Variants in TXNDC11 observed in about 807,000 individuals in gnomAD.
The protein encoded by TXNDC11 is thioredoxin domain containing 11, also known as thioredoxin domain-containing protein 11.
TXNDC11 carries 68 observed loss-of-function variants against 78.0 expected under a neutral mutation model. That is an observed-to-expected ratio of 0.87 (90% CI 0.72 to 1.07). The LOEUF is 1.07. Among genes scored for constraint, TXNDC11 ranks in the 50% least tolerant of loss-of-function variants. The probability of loss-of-function intolerance (pLI) is 0.00; values close to 1 mark genes in which losing one functional copy is unlikely to be tolerated. For synonymous variants in TXNDC11, 571 were observed against 495.2 expected (o/e 1.15, Z -2.03); for missense variants, 1,389 against 1,221.8 (o/e 1.14, Z -2.04).
chr16:11,690,719 AT>A (rs760956648), intron 8 of TXNDC11: 379 of 143,216 alleles, frequency 2.6e-3, no homozygotes, highest in Middle Eastern at 0.011. Flanking sequence ...CGCCCGGCTA[AT>A]TTTTTTTTTT....
chr16:11,685,385 T>C (rs2868982), intron 10 of TXNDC11, among the ~76,000 whole-genome samples: 17,237 of 149,316 alleles, frequency 0.12, 1,288 homozygotes, highest in African/African-American at 0.2. Context: ...GTGGCTCACG[T>C]CTGTAATCCC....
chr16:11,701,128 C>CTTTTTTTT (rs397855467), intron 5 of TXNDC11, among the ~76,000 whole-genome samples: 2 of 101,646 alleles, frequency 2.0e-5, no homozygotes, highest in African/African-American at 4.2e-5. Context: ...CCAATGTCCT[C>CTTTTTTTT]TTTTTTTTTT....
At position 11,691,964 on chromosome 16, in the gene TXNDC11, G is replaced by A. The variant is rs765281874; in HGVS notation, c.1226C>T (p.Pro409Leu). 14 of 1,608,078 alleles carry A rather than the reference G, an allele frequency of 8.7e-6. No homozygotes were observed. In the East Asian group the frequency reaches 8.9e-5, roughly 10 times the overall value. ...PVLESLALEV[P>L]AQLPDPPTIT... ...CGTTGGCGGGTCTGGCAGCTGTGCC[G>A]GCACTTCCAGGGCCAGGGACTCCAG... Residue 409 changes from proline (P) to leucine (L), a missense_variant, in exon 8 of 12, where the codon CCG becomes CTG. By Grantham distance (98) the Pro-to-Leu change is moderately conservative. Transcript: ENST00000283033.
rs375992532 is a variant in TXNDC11 at position 11,691,982 on chromosome 16, G to C, written c.1208C>G (p.Ser403Cys). ...CTGTGCCGGCACTTCCAGGGCCAGG[G>C]ACTCCAGCACTGGAGCATCCACCCG... is the stretch of plus-strand genomic sequence containing the variant. ...LRRVDAPVLE[S>C]LALEVPAQLP... Residue 403 changes from serine (S) to cysteine (C), a missense_variant, in exon 8 of 12, where the codon TCC (serine) becomes TGC (cysteine). Ser to Cys is a moderately radical substitution (Grantham distance 112, BLOSUM62 -1). Coordinates refer to ENST00000283033, the MANE Select transcript of TXNDC11 (RefSeq NM_015914.7). 4.6e-5 allele frequency: 74 copies of C among 1,600,374 alleles called. No individual in the cohort carries two copies. Among genetic ancestry groups the C allele is most frequent in the Admixed American group, 3.5e-4 (21 of 59,430 alleles).
At chr16:11,730,602 G>A in intron 4 of TXNDC11, 43 bp downstream of exon 4, 1 of 1,599,744 alleles carries the variant, frequency 6.3e-7, no homozygotes, top group Non-Finnish European at 8.6e-7. Flanking sequence ...ACAACCCCGT[G>A]AAAGGCCTTG....
At chr16:11,694,258 C>A (rs2050800026) in intron 7 of TXNDC11, among the ~76,000 whole-genome samples, 1 of 151,908 alleles carries the variant, frequency 6.6e-6, no homozygotes, top group African/African-American at 2.4e-5. Flanking sequence ...TACAGGCATG[C>A]ATCACGACAC....
intron 1 of TXNDC11, among the ~76,000 whole-genome samples, chr16:11,741,149 TGA>T (rs758170268): frequency 3.3e-5 from 5 of 152,314 alleles, no homozygotes; most frequent in African/African-American, 7.2e-5. Flanking sequence ...AAATGCTCAC[TGA>T]GAGTTATTAT....
intron 5 of TXNDC11, among the ~76,000 whole-genome samples, chr16:11,712,990 T>C (rs919369756): frequency 6.0e-5 from 9 of 149,890 alleles, no homozygotes; most frequent in African/African-American, 2.2e-4. Flanking sequence ...TGCATGCCTG[T>C]AAATCCCAGC....
Position 11,687,842 on chromosome 16 carries a change from A to G in TXNDC11, c.2153+15T>C, listed in dbSNP as rs777287551. 1 of 1,575,126 alleles carries G rather than the reference A, an allele frequency of 6.3e-7. No individual in the cohort carries two copies. Among genetic ancestry groups the G allele is most frequent in the Non-Finnish European group, 8.7e-7 (1 of 1,145,422 alleles). ...GGGCATACAGCCCAAAGCGCTGCAG[A>G]AGAGGCCTGCTTACCTTGCCACAGT... is the stretch of plus-strand genomic sequence containing the variant. On this transcript the variant is annotated intron_variant, in intron 10 of 11. Transcript: ENST00000283033.
chr16:11,724,441 T>C (rs1455164078), intron 4 of TXNDC11, among the ~76,000 whole-genome samples: 3 of 152,182 alleles, frequency 2.0e-5, no homozygotes, highest in South Asian at 2.1e-4. Context: ...TCCTATTCCC[T>C]TTCCAATCAA....
At chr16:11,683,570 ACAG>A (rs1240013638) in intron 11 of TXNDC11, among the ~76,000 whole-genome samples, 1 of 127,012 alleles carries the variant, frequency 7.9e-6, no homozygotes, top group Non-Finnish European at 1.9e-5. Context: ...AGCCAGGGCA[ACAG>A]AAGAATCCTG....
intron 4 of TXNDC11, among the ~76,000 whole-genome samples, chr16:11,727,978 G>T (rs547412603): frequency 1.3e-5 from 2 of 152,172 alleles, no homozygotes; most frequent in East Asian, 3.9e-4. Flanking sequence ...TGGAGGCCAG[G>T]GATATTGCTA....
chr16:11,740,910 G>A lies in TXNDC11; in HGVS notation c.254+1567C>T, dbSNP rs980639027. Among the ~76,000 whole-genome samples, 69 of 152,156 alleles carry A rather than the reference G, an allele frequency of 4.5e-4. 1 individual carries two copies. Among genetic ancestry groups the A allele is most frequent in the Admixed American group, 4.5e-3 (69 of 15,270 alleles). On this transcript the variant is annotated intron_variant, in intron 1 of 11. Transcript: ENST00000283033. ...TGAATAAATGCTTCATGGAAACAGT[G>A]GTTCCCAAGCAGGCAATTTTGCTCC... is the stretch of plus-strand genomic sequence containing the variant.
Position 11,679,525 on chromosome 16 carries a change from G to A in TXNDC11, c.2547C>T (p.His849=), listed in dbSNP as rs1442300776. 2 of 1,613,350 alleles carry A rather than the reference G, an allele frequency of 1.2e-6. No individual in the cohort carries two copies. The highest frequency in any genetic ancestry group is 1.7e-5 in the Admixed American group (1 of 60,034). Residue 849 remains histidine, a synonymous_variant, in exon 12 of 12, where the codon CAC becomes CAT. Coordinates refer to ENST00000283033, the MANE Select transcript of TXNDC11 (RefSeq NM_015914.7). This position sits in a 1 kb window ranked among gnomAD's most constrained non-coding sequence, Gnocchi z 4.6. ...RQQQRALEEQ[H]SLLHAHSEQL... ...GCTCACTGTGTGCGTGGAGCAGGCT[G>A]TGCTGCTCTTCCAGGGCCCGCTGCT...
intron 10 of TXNDC11, among the ~76,000 whole-genome samples, chr16:11,684,836 C>T (rs1228638584): frequency 4.6e-5 from 7 of 152,352 alleles, no homozygotes; most frequent in East Asian, 1.9e-4. Context: ...CACAGCTGGG[C>T]GCCCACACTC....
chr16:11,703,614 G>T, intron 5 of TXNDC11: 1 of 692,966 alleles, frequency 1.4e-6, no homozygotes, highest in Non-Finnish European at 2.6e-6. Flanking sequence ...ACACTTCCTA[G>T]TTCTATCTAC....
chr16:11,735,897 C>A, intron 2 of TXNDC11, 120 bp downstream of exon 2: 1 of 861,934 alleles, frequency 1.2e-6, no homozygotes, highest in Non-Finnish European at 1.9e-6. Flanking sequence ...AACTTAGAAA[C>A]GACTCCTGGA....
At chr16:11,702,842 G>C (rs1335851291) in intron 5 of TXNDC11, among the ~76,000 whole-genome samples, 1 of 152,174 alleles carries the variant, frequency 6.6e-6, no homozygotes, top group East Asian at 1.9e-4. Flanking sequence ...CTCTCCCTCA[G>C]GTAAGGAGTG....
Position 11,691,822 on chromosome 16 carries a change from G to A in TXNDC11, c.1368C>T (p.Ser456=), listed in dbSNP as rs1295353004. Residue 456 remains serine, a synonymous_variant, in exon 8 of 12, where the codon AGC becomes AGT. Transcript: ENST00000283033. The stretch of plus-strand genomic sequence containing the variant: ...AGCTGCACTGTGGCACGCTGACCGA[G>A]CTCGGCTTCATGCCCCCGGAGGTCT... ...VNQTSGGMKP[S]SVSVPQCSFF... The A allele has an allele frequency of 1.2e-6, 2 of 1,614,270 alleles. No homozygotes were observed. The highest frequency in any genetic ancestry group is 1.7e-5 in the Admixed American group (1 of 60,028).
Sources: allele counts gnomAD v4.1 joint callset (sites outside exome capture counted in the v4.1 genomes callset), GRCh38; gene constraint gnomAD v4.1.1; non-coding constraint Gnocchi (gnomAD v3.1); transcripts MANE v1.5; gene names NCBI Gene and HGNC (gene_info 2026-07-23, HGNC 2026-07-21).